GOLGA1: variants seen among roughly 807,000 people sequenced by gnomAD.
The protein encoded by GOLGA1 is golgin subfamily A member 1.
A neutral mutation model predicts 119.7 loss-of-function variants in GOLGA1; 63 were observed. The observed-to-expected ratio is 0.53, with a 90% CI of 0.43 to 0.65. GOLGA1 has a LOEUF of 0.65. GOLGA1 is among the 30% of genes least tolerant of loss of function. The probability of loss-of-function intolerance (pLI) is 0.00; values close to 1 mark genes in which losing one functional copy is unlikely to be tolerated. For missense variants in GOLGA1, 798 were observed against 912.8 expected, an observed-to-expected ratio of 0.87 and a Z score of 1.62; for synonymous variants, 318 against 333.4, an observed-to-expected ratio of 0.95 and a Z score of 0.50.
intron 3 of GOLGA1, among the ~76,000 whole-genome samples, chr9:124,932,293 T>C (rs1169199100): frequency 6.6e-6 from 1 of 152,224 alleles, no homozygotes; most frequent in Admixed American, 6.5e-5. Context: ...CTTAATCATG[T>C]TTCCCATTGT....
chr9:124,941,858 A>G (rs912412494), upstream of GOLGA1, among the ~76,000 whole-genome samples: 2 of 152,194 alleles, frequency 1.3e-5, no homozygotes, highest in Admixed American at 6.5e-5. Flanking sequence ...AGGTGGGAGG[A>G]TCTCTTGAGA....
Position 124,881,137 on chromosome 9 carries a change from T to C in GOLGA1, c.2223+34A>G. ...CTGCTGGGATAACTGACAACGTATC[T>C]TGGAAGCTGGAACAGTAGACCAGAG... On this transcript the variant is annotated intron_variant, in intron 22 of 22. Transcript: ENST00000373555. The surrounding 1 kb of genome is among the most constrained non-coding windows in gnomAD (Gnocchi z 4.9). 8.8e-7 allele frequency: 1 copy of C among 1,133,166 alleles called. No individual in the cohort carries two copies. Among genetic ancestry groups the C allele is most frequent in the Non-Finnish European group, 1.4e-6 (1 of 739,146 alleles). 70.2% of individuals were successfully genotyped at this position (1,133,166 alleles called of 1,614,324 possible).
At chr9:124,912,592 G>A (rs1830362017) in intron 10 of GOLGA1, among the ~76,000 whole-genome samples, 1 of 152,132 alleles carries the variant, frequency 6.6e-6, no homozygotes, top group Non-Finnish European at 1.5e-5. Context: ...GCCTTGGCTG[G>A]AGTACAGTGG....
upstream of GOLGA1, chr9:124,944,957 A>G (rs1831122471): frequency 6.6e-6 from 1 of 152,194 alleles, no homozygotes; most frequent in Non-Finnish European, 1.5e-5. Context: ...TCCCTATTTC[A>G]TTCTGAAAGT....
At chr9:124,935,820 A>G (rs1450143517) in intron 3 of GOLGA1, among the ~76,000 whole-genome samples, 1 of 151,778 alleles carries the variant, frequency 6.6e-6, no homozygotes, top group African/African-American at 2.4e-5. Flanking sequence ...GACTGATTGG[A>G]CACCAAGAAG....
chr9:124,891,873 G>A (rs1314807715), intron 15 of GOLGA1, among the ~76,000 whole-genome samples: 2 of 151,974 alleles, frequency 1.3e-5, no homozygotes, highest in Non-Finnish European at 2.9e-5. Flanking sequence ...TCAAACTCCT[G>A]ACCTTAGGTG....
chr9:124,935,494 G>T (rs1216798956), intron 3 of GOLGA1, among the ~76,000 whole-genome samples: 1 of 152,136 alleles, frequency 6.6e-6, no homozygotes, highest in Non-Finnish European at 1.5e-5. Flanking sequence ...CTAGAAGATG[G>T]AGTAGGGAGG....
rs528525843 is a variant in GOLGA1, at chr9:124,909,943, A to G, written c.970-1471T>C. 5.3e-5 allele frequency among the ~76,000 whole-genome samples: 8 copies of G among 151,312 alleles called. No homozygotes were observed. In the East Asian group the frequency reaches 1.2e-3, roughly 22 times the overall value. The stretch of plus-strand genomic sequence containing the variant: ...CCATGCCCAGCTAATTTATTTATTT[A>G]TTTATTTTTTTGAGACAGAGTCTCG... On this transcript the variant is annotated intron_variant, in intron 11 of 22. Coordinates refer to ENST00000373555, the MANE Select transcript of GOLGA1 (RefSeq NM_002077.4).
chr9:124,897,699 T>C (rs1410719313), intron 15 of GOLGA1, among the ~76,000 whole-genome samples: 2 of 152,152 alleles, frequency 1.3e-5, no homozygotes, highest in Non-Finnish European at 2.9e-5. Context: ...AGGACTCAAA[T>C]GTTTATTGAA....
chr9:124,893,198 T>C (rs1355187144), intron 15 of GOLGA1, among the ~76,000 whole-genome samples: 1 of 152,044 alleles, frequency 6.6e-6, no homozygotes, highest in Admixed American at 6.6e-5. Flanking sequence ...ATAGTAAAAA[T>C]ACCCATCCCC....
In GOLGA1 at chr9:124,900,518, G is replaced by T. The variant is rs1443574627; in HGVS notation, c.1095C>A (p.Ala365=). The T allele has an allele frequency of 6.3e-7, 1 of 1,597,370 alleles. No individual in the cohort carries two copies. ...TGCTCTGTTGGAGCTGCTCCTCAGA[G>T]GCCTGCAAGGTCTGCTCCAGTTCTC... is the stretch of plus-strand genomic sequence containing the variant. ...RVRELEQTLQ[A]SEEQLQQSKG... is the part of the protein sequence containing the mutation. The change falls in exon 13 of 23, where the codon GCC becomes GCA. Residue 365 remains alanine (A), a synonymous_variant. Transcript: ENST00000373555.
chr9:124,922,787 A>C (rs890192733), intron 8 of GOLGA1, among the ~76,000 whole-genome samples: 1 of 152,042 alleles, frequency 6.6e-6, no homozygotes, highest in Non-Finnish European at 1.5e-5. Flanking sequence ...TTAAAAAAAA[A>C]AATGTGGACC....
At chr9:124,916,860 A>T (rs1830455340) in intron 10 of GOLGA1, among the ~76,000 whole-genome samples, 1 of 129,364 alleles carries the variant, frequency 7.7e-6, no homozygotes, top group African/African-American at 2.9e-5. Context: ...TGGGTGACAG[A>T]GTGAGACCCT....
At chr9:124,925,299 C>T (rs1830652502) in intron 7 of GOLGA1, among the ~76,000 whole-genome samples, 1 of 150,442 alleles carries the variant, frequency 6.6e-6, no homozygotes, top group Non-Finnish European at 1.5e-5. Flanking sequence ...GCAAGAAAAC[C>T]TTAACCCAAC....
intron 11 of GOLGA1, among the ~76,000 whole-genome samples, chr9:124,911,350 C>CT (rs1830336623): frequency 6.6e-6 from 1 of 152,166 alleles, no homozygotes; most frequent in Non-Finnish European, 1.5e-5. Flanking sequence ...ATGACCTGGG[C>CT]TTTGTCACCT....
At chr9:124,923,362 C>A in intron 7 of GOLGA1, 139 bp from the exon 8 acceptor site, 1 of 649,236 alleles carries the variant, frequency 1.5e-6, no homozygotes, top group Non-Finnish European at 2.6e-6. Flanking sequence ...GCCTTGAACT[C>A]CTGGGCTCAT....
intron 10 of GOLGA1, among the ~76,000 whole-genome samples, chr9:124,912,363 C>G (rs925244286): frequency 6.6e-6 from 1 of 151,998 alleles, no homozygotes; most frequent in African/African-American, 2.4e-5. Flanking sequence ...TGGAACAATG[C>G]TCCTGAAAGC....
chr9:124,935,734 G>A (rs1316008178), intron 3 of GOLGA1, among the ~76,000 whole-genome samples: 2 of 142,274 alleles, frequency 1.4e-5, no homozygotes, highest in Non-Finnish European at 3.0e-5. Context: ...CCAGGGTCCA[G>A]CCTGGGCGAC....
chr9:124,898,321 C>T (rs1339489610), intron 15 of GOLGA1, among the ~76,000 whole-genome samples: 2 of 152,184 alleles, frequency 1.3e-5, no homozygotes, highest in Non-Finnish European at 2.9e-5. Flanking sequence ...GGTTTACCCT[C>T]GGAACCTCAA....
Sources: gnomAD v4.1 joint callset for allele counts (sites outside exome capture counted in the v4.1 genomes callset) on GRCh38, gnomAD v4.1.1 for gene constraint, Gnocchi (gnomAD v3.1) non-coding constraint, MANE v1.5 for transcripts, NCBI Gene and HGNC (gene_info 2026-07-23, HGNC 2026-07-21) for gene names.